Variants in FABP5 observed in about 807,000 individuals in gnomAD.
FABP5 encodes the protein fatty acid binding protein 5.
In FABP5, 7 loss-of-function variants were observed where a neutral mutation model predicts 16.9. The observed-to-expected ratio is 0.41, with a 90% CI of 0.24 to 0.78. FABP5 has a LOEUF of 0.78. Ranked by LOEUF, FABP5 falls within the 30% of genes least tolerant of loss-of-function variation. FABP5 has a pLI of 0.30. For synonymous variants in FABP5, 37 were observed against 52.8 expected, an observed-to-expected ratio of 0.70 and a Z score of 1.30; for missense variants, 119 against 159.5, an observed-to-expected ratio of 0.75 and a Z score of 1.37.
chr8:81,281,349 T>G lies in FABP5; in HGVS notation c.79+675T>G. 1 of 985,468 alleles carries G rather than the reference T, an allele frequency of 1.0e-6. No individual in the cohort carries two copies. Among genetic ancestry groups the G allele is most frequent in the African/African-American group, 1.7e-5 (1 of 57,324 alleles). The allele number at this position is 985,468 out of a possible 1,614,324, so 61.0% of individuals were successfully genotyped here. A position where few individuals can be genotyped will look rare whatever the true frequency, so the allele number is the denominator to read the frequency against. On this transcript the variant is annotated intron_variant, in intron 1 of 3. Transcript: ENST00000297258. The surrounding 1 kb of genome is among the most constrained non-coding windows in gnomAD (Gnocchi z 4.5). ...CGCCCTTACCAGTTGAGCCGAACCC[T>G]TTGGATTGGTACCCCATGGAACACC...
At chr8:81,284,043 A>G (rs1475802675) in intron 3 of FABP5, 69 bp downstream of exon 3, 1 of 1,138,544 alleles carries the variant, frequency 8.8e-7, no homozygotes, top group Admixed American at 2.0e-5. Flanking sequence ...ACTGTTCTAT[A>G]TCATTGATCA....
intron 1 of FABP5, 112 bp downstream of exon 1, chr8:81,280,786 C>A: frequency 1.0e-6 from 1 of 979,456 alleles, no homozygotes; most frequent in Admixed American, 2.2e-5. Flanking sequence ...GGCGGCCTAC[C>A]CCCATCCCCT....
intron 2 of FABP5, 76 bp downstream of exon 2, chr8:81,283,614 AG>A: frequency 7.2e-7 from 1 of 1,397,394 alleles, no homozygotes; most frequent in Non-Finnish European, 9.7e-7. Flanking sequence ...TACTGTTTAT[AG>A]GCAAGAACTT....
intron 1 of FABP5, among the ~76,000 whole-genome samples, chr8:81,282,547 A>G (rs2131268148): frequency 6.6e-6 from 1 of 152,318 alleles, no homozygotes; most frequent in Non-Finnish European, 1.5e-5. Context: ...AAGATTCCTT[A>G]TACATGTTAA....
At chr8:81,283,008 G>C (rs978061724) in intron 1 of FABP5, 1 of 175,668 alleles carries the variant, frequency 5.7e-6, no homozygotes, top group East Asian at 1.5e-4. Flanking sequence ...CTTTCTGAAA[G>C]CCAGCATAGC....
At chr8:81,284,045 C>A in intron 3 of FABP5, 71 bp downstream of exon 3, 2 of 1,130,484 alleles carry the variant, frequency 1.8e-6, no homozygotes, top group Non-Finnish European at 2.6e-6. Context: ...TGTTCTATAT[C>A]ATTGATCATT....
chr8:81,281,011 T>G lies in FABP5; in HGVS notation c.79+337T>G. 7.6e-6 allele frequency: 2 copies of G among 262,440 alleles called. No individual in the cohort carries two copies. The highest frequency in any genetic ancestry group is 7.3e-6 in the Non-Finnish European group (1 of 136,162). The allele number at this position is 262,440 out of a possible 1,614,324, so 16.3% of individuals were successfully genotyped here. A position where few individuals can be genotyped will look rare whatever the true frequency, so the allele number is the denominator to read the frequency against. On this transcript the variant is annotated intron_variant, in intron 1 of 3. Transcript: ENST00000297258. This position sits in a 1 kb window ranked among gnomAD's most constrained non-coding sequence, Gnocchi z 4.5. ...TCCTGTCCTTTAGCGCGCGCACCCG[T>G]CACCTCACGCTGCACTTCTTTCGAC...
chr8:81,283,709 C>G (rs1003438724), intron 2 of FABP5, among the ~76,000 whole-genome samples, 164 bp from the exon 3 acceptor site: 1 of 152,098 alleles, frequency 6.6e-6, no homozygotes, highest in Non-Finnish European at 1.5e-5. Context: ...CTTTTATTAG[C>G]TACTAGGTTG....
At position 81,284,497 on chromosome 8, in the gene FABP5, A is replaced by G. The variant is rs765899111; in HGVS notation, c.355-17A>G. 8 of 1,580,376 alleles carry G rather than the reference A, an allele frequency of 5.1e-6. No homozygotes were observed. In the Admixed American group the frequency reaches 6.7e-5, roughly 13 times the overall value. On this transcript the variant is annotated splice_polypyrimidine_tract_variant and intron_variant, in intron 3 of 3. Transcript: ENST00000297258. ...CTAAGGCTAACCTAACTCTTTTAAT[A>G]TCTTTCCTTCTTCTAGGAGTGTGTC... is the stretch of plus-strand genomic sequence containing the variant.
rs1217371354 is a variant in FABP5 at position 81,284,581 on chromosome 8, A to G, written c.*14A>G. 4 of 1,479,848 alleles carry G rather than the reference A, an allele frequency of 2.7e-6. No homozygotes were observed. In the East Asian group the frequency reaches 9.0e-5, roughly 33 times the overall value. The allele number at this position is 1,479,848 out of a possible 1,614,324, so 91.7% of individuals were successfully genotyped here. A position where few individuals can be genotyped will look rare whatever the true frequency, so the allele number is the denominator to read the frequency against. On this transcript the variant is annotated 3_prime_UTR_variant, in exon 4 of 4. Coordinates refer to ENST00000297258, the MANE Select transcript of FABP5 (RefSeq NM_001444.3). ...AAAGTAGAATAAAAATTCCATCATC[A>G]CTTTGGACAGGAGTTAATTAAGAGA...
chr8:81,282,483 T>A (rs1443573533), intron 1 of FABP5, among the ~76,000 whole-genome samples: 1 of 152,198 alleles, frequency 6.6e-6, no homozygotes, highest in Non-Finnish European at 1.5e-5. Flanking sequence ...AAGACAATCA[T>A]GCTGCGTAGG....
intron 1 of FABP5, among the ~76,000 whole-genome samples, chr8:81,282,320 G>C (rs1403043491): frequency 6.6e-6 from 1 of 152,076 alleles, no homozygotes; most frequent in African/African-American, 2.4e-5. Flanking sequence ...AGTTCATTAG[G>C]GAGCAGTCAC....
intron 1 of FABP5, among the ~76,000 whole-genome samples, chr8:81,282,415 G>C (rs1807845590): frequency 6.6e-6 from 1 of 152,172 alleles, no homozygotes; most frequent in Non-Finnish European, 1.5e-5. Flanking sequence ...CCAGCCCTGA[G>C]CTGGCAAAAG....
At chr8:81,283,672 G>C (rs1807869276) in intron 2 of FABP5, 134 bp downstream of exon 2, 1 of 1,096,042 alleles carries the variant, frequency 9.1e-7, no homozygotes, top group Admixed American at 2.9e-5. Flanking sequence ...ATTAGCAAAA[G>C]TATCAACTTC....
rs143991978 is a variant in FABP5 at position 81,281,595 on chromosome 8, A to G, written c.79+921A>G. On this transcript the variant is annotated intron_variant, in intron 1 of 3. Transcript: ENST00000297258. The surrounding 1 kb of genome is among the most constrained non-coding windows in gnomAD (Gnocchi z 4.5). ...AAACTGCCTGGCCCTCCTGCGGCTA[A>G]CTGCATGCAAGATGGGTGTGGCCCT... The G allele has an allele frequency of 1.9e-3, 1,851 of 985,560 alleles. 23 individuals are homozygous for G. In the African/African-American group the frequency reaches 0.029, roughly 15 times the overall value. 61.1% of individuals were successfully genotyped at this position (985,560 alleles called of 1,614,324 possible).
At position 81,284,689 on chromosome 8, in the gene FABP5, A is replaced by G; in HGVS notation, c.*122A>G. The G allele has an allele frequency of 1.7e-6, 1 of 582,824 alleles. No individual in the cohort carries two copies. Among genetic ancestry groups the G allele is most frequent in the Admixed American group, 3.0e-5 (1 of 33,714 alleles). The allele number at this position is 582,824 out of a possible 1,614,324, so 36.1% of individuals were successfully genotyped here. On this transcript the variant is annotated 3_prime_UTR_variant, in exon 4 of 4. Coordinates refer to ENST00000297258, the MANE Select transcript of FABP5 (RefSeq NM_001444.3). Reference sequence around the variant, plus strand: ...ATTACTGTGTTCAATTATCTTTATCATAAACATTTTACATGCAGCTATTTC... The same window carrying G: ...ATTACTGTGTTCAATTATCTTTATCGTAAACATTTTACATGCAGCTATTTC...
intron 1 of FABP5, 147 bp downstream of exon 1, chr8:81,280,821 T>G: frequency 5.7e-6 from 4 of 698,198 alleles, no homozygotes; most frequent in Non-Finnish European, 9.8e-6. Flanking sequence ...CACGCGGCCG[T>G]TGGGTGCAGC....
rs1351802250 is a variant in FABP5 at position 81,283,860 on chromosome 8, T to C, written c.253-13T>C. The stretch of plus-strand genomic sequence containing the variant: ...GTACTTGGAAGATTAAAACGTTTAC[T>C]TTGTTTTTGCAGACTGTCTGCAACT... On this transcript the variant is annotated splice_polypyrimidine_tract_variant and intron_variant, in intron 2 of 3. Coordinates refer to ENST00000297258, the MANE Select transcript of FABP5 (RefSeq NM_001444.3). 3.7e-6 allele frequency: 6 copies of C among 1,604,634 alleles called. No individual in the cohort carries two copies. The highest frequency in any genetic ancestry group is 1.3e-5 in the African/African-American group (1 of 74,518).
chr8:81,280,934 A>T (rs1025604020), intron 1 of FABP5: 1 of 466,906 alleles, frequency 2.1e-6, no homozygotes, highest in Non-Finnish European at 3.9e-6. Context: ...CCCGTGGTCC[A>T]CCTACCTCTG....
Sources: gnomAD v4.1 joint callset for allele counts (sites outside exome capture counted in the v4.1 genomes callset) on GRCh38, gnomAD v4.1.1 for gene constraint, Gnocchi (gnomAD v3.1) non-coding constraint, MANE v1.5 for transcripts, NCBI Gene and HGNC (gene_info 2026-07-23, HGNC 2026-07-21) for gene names.